Variants in DEF8 observed in about 807,000 individuals in gnomAD.
The protein encoded by DEF8 is DEF-8.
DEF8 carries 38 observed loss-of-function variants against 59.1 expected under a neutral mutation model. The ratio of observed to expected loss-of-function variants is 0.64; its 90% confidence interval spans 0.50 to 0.84. The LOEUF (loss-of-function observed/expected upper bound fraction) is 0.84, where lower values mean the gene tolerates loss of function less well. DEF8 is among the 40% of genes least tolerant of loss of function. The pLI is 0.00. For missense variants in DEF8, 557 were observed against 615.2 expected, an observed-to-expected ratio of 0.91 and a Z score of 1.00; for synonymous variants, 265 against 250.1, an observed-to-expected ratio of 1.06 and a Z score of -0.56.
chr16:89,961,609 G>A, intron 7 of DEF8, 128 bp from the exon 8 acceptor site: 1 of 1,207,418 alleles, frequency 8.3e-7, no homozygotes, highest in Non-Finnish European at 1.2e-6. Context: ...AGGTCTTCCG[G>A]CTGAGGATAG....
chr16:89,949,669 G>T (rs748233088), intron 2 of DEF8, 156 bp downstream of exon 2: 8 of 1,579,310 alleles, frequency 5.1e-6, no homozygotes, highest in Non-Finnish European at 6.0e-6. Context: ...CTGAGCTTCG[G>T]CCCAGGGTCC....
In DEF8 at chr16:89,954,351, G is replaced by A. The variant is rs1402255120; in HGVS notation, c.99G>A (p.Glu33=). 6.2e-7 allele frequency: 1 copy of A among 1,613,890 alleles called. No homozygotes were observed. Among genetic ancestry groups the A allele is most frequent in the Admixed American group, 1.7e-5 (1 of 60,010 alleles). The change falls in exon 3 of 13, where the codon GAG becomes GAA. Residue 33 remains glutamate, a synonymous_variant. Transcript: ENST00000563594. The surrounding 1 kb of genome is among the most constrained non-coding windows in gnomAD (Gnocchi z 4.3). ...GACAGCATGAGCAGGGCCCTGGGGA[G>A]GAGGTCCCGGACGTCACTCCTGAAG... ...GPRQHEQGPG[E]EVPDVTPEEA...
In DEF8 at chr16:89,957,523, G is replaced by T; in HGVS notation, c.235G>T (p.Ala79Ser). The T allele has an allele frequency of 6.3e-7, 1 of 1,588,674 alleles. No individual in the cohort carries two copies. The highest frequency in any genetic ancestry group is 8.6e-7 in the Non-Finnish European group (1 of 1,167,976). Residue 79 changes from alanine (A) to serine (S), a missense_variant, in exon 5 of 13, where the codon GCC (alanine) becomes TCC (serine). By Grantham distance (99) the Ala-to-Ser change is moderately conservative. Coordinates refer to ENST00000563594, the MANE Select transcript of DEF8 (RefSeq NM_001242818.2). ...CCAACCTGGGCAGGGTCTGTTCCTG[G>T]CCTCTGACGTCCAGCAGCTGCGGCA... is the stretch of plus-strand genomic sequence containing the variant. ...HFSRPVGLFL[A>S]SDVQQLRQAI... is the part of the protein sequence containing the mutation.
Position 89,960,982 on chromosome 16 carries a change from G to A in DEF8, c.566G>A (p.Cys189Tyr), listed in dbSNP as rs2033952131. 6.2e-7 allele frequency: 1 copy of A among 1,614,162 alleles called. No homozygotes were observed. Among genetic ancestry groups the A allele is most frequent in the Non-Finnish European group, 8.5e-7 (1 of 1,180,012 alleles). Reference sequence around the variant, plus strand: ...TGCTTGAACCTCATCTCCAAGCCCTGTGTGAGCTCCAAAGTCAGCCACCAA... The same window carrying A: ...TGCTTGAACCTCATCTCCAAGCCCTATGTGAGCTCCAAAGTCAGCCACCAA... ...SKCLNLISKPCVSSKVSHQAE... is the reference protein window; with the variant it reads ...SKCLNLISKPYVSSKVSHQAE... Residue 189 changes from cysteine to tyrosine, a missense_variant, in exon 7 of 13, where the codon TGT becomes TAT. By Grantham distance (194) the Cys-to-Tyr change is radical (BLOSUM62 -2). Coordinates refer to ENST00000563594, the MANE Select transcript of DEF8 (RefSeq NM_001242818.2).
chr16:89,949,427 A>C lies in DEF8; in HGVS notation c.-97A>C, dbSNP rs757830678. 6.2e-7 allele frequency: 1 copy of C among 1,606,328 alleles called. No individual in the cohort carries two copies. Among genetic ancestry groups the C allele is most frequent in the Non-Finnish European group, 8.5e-7 (1 of 1,178,258 alleles). The stretch of plus-strand genomic sequence containing the variant: ...GGCTTCTCCCTGCAGCAGGTGCCGA[A>C]CCCACGGCCAGGCTTCCGTGGCCAG... On this transcript the variant is annotated 5_prime_UTR_variant, in exon 2 of 13. Transcript: ENST00000563594.
At position 89,961,674 on chromosome 16, in the gene DEF8, G is replaced by A. The variant is rs76647195; in HGVS notation, c.680-63G>A. 1,107 of 1,599,320 alleles carry A rather than the reference G, an allele frequency of 6.9e-4. 8 individuals are homozygous for A. The African/African-American group carries it at 0.013, about 18-fold the overall frequency. On this transcript the variant is annotated intron_variant, in intron 7 of 12. Transcript: ENST00000563594. ...TGGTCCATGGGAGGACAGACCATGA[G>A]GCTGGAAAGCTGTGTGGGGTTTTTG... is the stretch of plus-strand genomic sequence containing the variant.
chr16:89,957,763 C>A, intron 5 of DEF8, 103 bp downstream of exon 5: 1 of 1,364,016 alleles, frequency 7.3e-7, no homozygotes, highest in South Asian at 1.5e-5. Flanking sequence ...AGGCGGTGGT[C>A]TCTCTCTCGG....
Position 89,964,298 on chromosome 16 carries a change from G to C in DEF8, c.1131G>C (p.Lys377Asn). The change falls in exon 11 of 13, where the codon AAG (lysine) becomes AAC (asparagine). Residue 377 changes from lysine (K) to asparagine (N), a missense_variant. Physicochemically the swap from Lys to Asn is moderately conservative, Grantham distance 94. Transcript: ENST00000563594. ...ACACGCTCTTCGCCAAGCACATCAAGCTGGACTGCGAGGTGGGCCTCTGCC... is the reference window on the plus strand; with the variant it reads ...ACACGCTCTTCGCCAAGCACATCAACCTGGACTGCGAGGTGGGCCTCTGCC... ...EIHTLFAKHIKLDCERCQAKG... is the reference protein window; with the variant it reads ...EIHTLFAKHINLDCERCQAKG... 1 of 1,592,298 alleles carries C rather than the reference G, an allele frequency of 6.3e-7. No homozygotes were observed. The highest frequency in any genetic ancestry group is 8.6e-7 in the Non-Finnish European group (1 of 1,169,488).
intron 6 of DEF8, chr16:89,959,487 T>G: frequency 1.6e-6 from 1 of 627,178 alleles, no homozygotes; most frequent in South Asian, 2.8e-5. Flanking sequence ...TTTGTTTTTG[T>G]TTGTTTTTGG....
Position 89,965,950 on chromosome 16 carries a change from A to G in DEF8, c.1343A>G (p.Asp448Gly). The G allele has an allele frequency of 5.0e-6, 8 of 1,612,918 alleles. No individual in the cohort carries two copies. The highest frequency in any genetic ancestry group is 6.8e-6 in the Non-Finnish European group (8 of 1,179,370). ...TCGCTCTTCCAGGAGCCAGGTCCCGATGTGGAGGCCTAGCGCCGAGGAACA... is the reference window on the plus strand; with the variant it reads ...TCGCTCTTCCAGGAGCCAGGTCCCGGTGTGGAGGCCTAGCGCCGAGGAACA... ...KQSLFQEPGP[D>G]VEA Residue 448 changes from aspartate to glycine, a missense_variant, in exon 13 of 13, where the codon GAT (aspartate) becomes GGT (glycine). Transcript: ENST00000563594.
rs562776866 is a variant in DEF8 at position 89,959,651 on chromosome 16, C to A, written c.514+496C>A. Among the ~76,000 whole-genome samples the A allele has an allele frequency of 7.2e-5, 11 of 152,272 alleles. 1 individual carries two copies. In the East Asian group the frequency reaches 1.2e-3, roughly 16 times the overall value. On this transcript the variant is annotated intron_variant, in intron 6 of 12. Coordinates refer to ENST00000563594, the MANE Select transcript of DEF8 (RefSeq NM_001242818.2). ...CTGGGACTACAGGTGCCCGCCACCACGCCCGGCTAATTTTTTGTATTTTTT... is the reference window on the plus strand; with the variant it reads ...CTGGGACTACAGGTGCCCGCCACCAAGCCCGGCTAATTTTTTGTATTTTTT...
chr16:89,949,723 A>C, intron 2 of DEF8: 1 of 1,317,754 alleles, frequency 7.6e-7, no homozygotes, highest in Non-Finnish European at 1.0e-6. Context: ...GCTTCCTTTC[A>C]TTGCTAAGTT....
At chr16:89,963,465 G>T in intron 10 of DEF8, 22 bp downstream of exon 10, 1 of 1,605,256 alleles carries the variant, frequency 6.2e-7, no homozygotes, top group South Asian at 1.1e-5. Context: ...AGCAGGACTG[G>T]CCCCCGATGG....
intron 12 of DEF8, 31 bp downstream of exon 12, chr16:89,964,606 G>C: frequency 1.3e-6 from 2 of 1,512,870 alleles, no homozygotes; most frequent in South Asian, 1.2e-5. Context: ...GCACTCGGGG[G>C]CTGGGGCTCT....
chr16:89,962,197 C>T, intron 9 of DEF8, 72 bp downstream of exon 9: 1 of 1,338,784 alleles, frequency 7.5e-7, no homozygotes, highest in South Asian at 1.2e-5. Flanking sequence ...GGCCAGTACC[C>T]TCTTCTCCTC....
intron 5 of DEF8, 72 bp from the exon 6 acceptor site, chr16:89,958,942 G>A: frequency 6.3e-7 from 1 of 1,575,288 alleles, no homozygotes; most frequent in Non-Finnish European, 8.6e-7. Flanking sequence ...AATAAGTTGA[G>A]GGGCTTGTGC....
At chr16:89,965,492 C>G (rs1476352888) in intron 12 of DEF8, among the ~76,000 whole-genome samples, 2 of 152,198 alleles carry the variant, frequency 1.3e-5, no homozygotes, top group African/African-American at 4.8e-5. Context: ...TTGAACTAGG[C>G]TGCGGTGCCC....
In DEF8 at chr16:89,963,501, C is replaced by T. The variant is rs1220834052; in HGVS notation, c.1002+58C>T. The T allele has an allele frequency of 4.0e-6, 6 of 1,501,178 alleles. No individual in the cohort carries two copies. The East Asian group carries it at 1.1e-4, about 29-fold the overall frequency. 93.0% of individuals were successfully genotyped at this position (1,501,178 alleles called of 1,614,324 possible). On this transcript the variant is annotated intron_variant, in intron 10 of 12. Coordinates refer to ENST00000563594, the MANE Select transcript of DEF8 (RefSeq NM_001242818.2). ...GAAGCGCAGCCAGGGTGGTGAGGCACCTCAGGCTCAGGTTTTTTCCGGACA... is the reference window on the plus strand; with the variant it reads ...GAAGCGCAGCCAGGGTGGTGAGGCATCTCAGGCTCAGGTTTTTTCCGGACA...
At chr16:89,951,302 G>C (rs1159232075) in intron 2 of DEF8, among the ~76,000 whole-genome samples, 1 of 151,796 alleles carries the variant, frequency 6.6e-6, no homozygotes. Context: ...TGTCACCCAA[G>C]CTGGAGTGCA....
Sources: gnomAD v4.1 joint callset for allele counts (sites outside exome capture counted in the v4.1 genomes callset) on GRCh38, gnomAD v4.1.1 for gene constraint, Gnocchi (gnomAD v3.1) non-coding constraint, MANE v1.5 for transcripts, NCBI Gene and HGNC (gene_info 2026-07-23, HGNC 2026-07-21) for gene names.